The following HIVEP2 variants were observed in gnomAD, a reference collection of about 807,000 sequenced individuals.
HIVEP2 encodes the protein transcription factor HIVEP2.
Under a neutral mutation model 180.7 loss-of-function variants are expected in HIVEP2, and 14 were observed. That is an observed-to-expected ratio of 0.08 (90% CI 0.05 to 0.12). HIVEP2 has a LOEUF of 0.12. Ranked by LOEUF, HIVEP2 falls within the 10% of genes least tolerant of loss-of-function variation. The probability of loss-of-function intolerance (pLI) is 1.00; values close to 1 mark genes in which losing one functional copy is unlikely to be tolerated. For synonymous variants in HIVEP2, 1,184 were observed against 1,136.4 expected, an observed-to-expected ratio of 1.04 and a Z score of -0.84; for missense variants, 2,579 against 3,008.5, an observed-to-expected ratio of 0.86 and a Z score of 3.34.
intron 2 of HIVEP2, among the ~76,000 whole-genome samples, chr6:142,820,601 G>T (rs997853017): frequency 3.3e-5 from 5 of 152,286 alleles, no homozygotes; most frequent in African/African-American, 1.2e-4. Flanking sequence ...GCATTTATTA[G>T]TCAATCACAG....
intron 1 of HIVEP2, among the ~76,000 whole-genome samples, chr6:142,939,597 G>A (rs373385603): frequency 6.6e-6 from 1 of 152,152 alleles, no homozygotes; most frequent in African/African-American, 2.4e-5. Flanking sequence ...AAGATCCTCA[G>A]TAAAAAAAAG....
At chr6:142,924,354 G>A (rs534268475) in intron 1 of HIVEP2, among the ~76,000 whole-genome samples, 3 of 152,222 alleles carry the variant, frequency 2.0e-5, no homozygotes, top group Admixed American at 6.5e-5. Flanking sequence ...CAACTACTCC[G>A]GGTCAGGCAC....
chr6:142,807,246 G>A lies in HIVEP2; in HGVS notation c.-527-23631C>T, dbSNP rs765808343. 1.4e-4 allele frequency among the ~76,000 whole-genome samples: 21 copies of A among 152,124 alleles called. 1 individual carries two copies. The highest frequency in any genetic ancestry group is 4.4e-5 in the Non-Finnish European group (3 of 68,028). On this transcript the variant is annotated intron_variant, in intron 2 of 9. Transcript: ENST00000367603. ...CTAGGAACTGTAAGACTGGAAGACAGGTAAGCTGAAGTCACCTTTCCCTTT... is the reference window on the plus strand; with the variant it reads ...CTAGGAACTGTAAGACTGGAAGACAAGTAAGCTGAAGTCACCTTTCCCTTT...
intron 1 of HIVEP2, among the ~76,000 whole-genome samples, chr6:142,941,510 T>G (rs577574203): frequency 6.6e-6 from 1 of 152,362 alleles, no homozygotes; most frequent in African/African-American, 2.4e-5. Context: ...AAAGTTTTCC[T>G]ATTTCCCTTT....
At chr6:142,818,054 G>A (rs534261424) in intron 2 of HIVEP2, among the ~76,000 whole-genome samples, 3 of 151,980 alleles carry the variant, frequency 2.0e-5, no homozygotes, top group Admixed American at 1.3e-4. Flanking sequence ...TCTCAAAGGA[G>A]GAAGGAAGGG....
chr6:142,814,851 T>C (rs537671157), intron 2 of HIVEP2, among the ~76,000 whole-genome samples: 53 of 152,238 alleles, frequency 3.5e-4, no homozygotes, highest in Middle Eastern at 3.4e-3. Context: ...GCAAAGTATA[T>C]GGAGTAACAA....
chr6:142,911,547 T>A (rs531227204), intron 1 of HIVEP2, among the ~76,000 whole-genome samples: 57 of 152,296 alleles, frequency 3.7e-4, no homozygotes, highest in African/African-American at 1.4e-3. Context: ...ATCCCCAGAT[T>A]TACAGACGAG....
chr6:142,814,990 A>G (rs1015391978), intron 2 of HIVEP2, among the ~76,000 whole-genome samples: 7 of 152,178 alleles, frequency 4.6e-5, no homozygotes, highest in Non-Finnish European at 1.0e-4. Context: ...AGATCAAGCC[A>G]TGGCCTTCTT....
upstream of HIVEP2, among the ~76,000 whole-genome samples, chr6:142,945,494 G>A (rs374513541): frequency 1.3e-5 from 2 of 152,230 alleles, no homozygotes; most frequent in South Asian, 4.1e-4. The surrounding 1 kb of genome is among the most constrained non-coding windows in gnomAD (Gnocchi z 5.5). Context: ...CACTTACCGA[G>A]CCGAGGAGGG....
At chr6:142,779,291 T>C (rs1775781721) in intron 3 of HIVEP2, among the ~76,000 whole-genome samples, 1 of 152,140 alleles carries the variant, frequency 6.6e-6, no homozygotes, top group African/African-American at 2.4e-5. Flanking sequence ...TTTCTATCTT[T>C]TGGTTGACAC....
At chr6:142,808,114 G>A (rs960431136) in intron 2 of HIVEP2, among the ~76,000 whole-genome samples, 2 of 152,140 alleles carry the variant, frequency 1.3e-5, no homozygotes, top group Admixed American at 1.3e-4. Context: ...CTAGGCTGTA[G>A]AAAGATGGCT....
intron 1 of HIVEP2, among the ~76,000 whole-genome samples, chr6:142,891,990 T>C (rs12201410): frequency 0.37 from 55,623 of 152,034 alleles, 11,184 homozygotes; most frequent in Admixed American, 0.5. Flanking sequence ...AGTAAAAACA[T>C]TCCCTAGAAG....
chr6:142,928,163 G>T (rs1777859394), intron 1 of HIVEP2, among the ~76,000 whole-genome samples: 1 of 152,184 alleles, frequency 6.6e-6, no homozygotes. Context: ...AGTGGAGGAG[G>T]CTGTGTGTAT....
At chr6:142,829,726 G>T (rs538456271) in intron 2 of HIVEP2, among the ~76,000 whole-genome samples, 9 of 152,168 alleles carry the variant, frequency 5.9e-5, no homozygotes, top group South Asian at 2.1e-4. Flanking sequence ...AGCCAAAAAA[G>T]CTCAGGTTCC....
chr6:142,858,024 C>T (rs374021798), intron 1 of HIVEP2, among the ~76,000 whole-genome samples: 8 of 152,074 alleles, frequency 5.3e-5, no homozygotes, highest in South Asian at 2.1e-4. Flanking sequence ...TGACCTAGGG[C>T]GACAGGTGGT....
intron 1 of HIVEP2, among the ~76,000 whole-genome samples, chr6:142,871,197 T>G (rs895284401): frequency 8.5e-5 from 13 of 152,128 alleles, no homozygotes; most frequent in African/African-American, 2.9e-4. Context: ...TATGTGAAAA[T>G]AATGGTGATA....
chr6:142,819,294 T>C (rs1261072075), intron 2 of HIVEP2, among the ~76,000 whole-genome samples: 1 of 152,160 alleles, frequency 6.6e-6, no homozygotes, highest in Admixed American at 6.5e-5. Flanking sequence ...GTAAGAGATA[T>C]GCAAAACTTC....
intron 1 of HIVEP2, among the ~76,000 whole-genome samples, chr6:142,893,936 T>C (rs1776923585): frequency 6.6e-6 from 1 of 152,204 alleles, no homozygotes; most frequent in Non-Finnish European, 1.5e-5. Flanking sequence ...ACAAGCCCCA[T>C]ATTACATAAT....
chr6:142,856,554 A>G (rs1469472354), intron 1 of HIVEP2, among the ~76,000 whole-genome samples: 1 of 152,258 alleles, frequency 6.6e-6, no homozygotes, highest in Non-Finnish European at 1.5e-5. Flanking sequence ...GCCCAGGCAC[A>G]CTGCCTGGAT....
Sources: allele counts gnomAD v4.1 joint callset (sites outside exome capture counted in the v4.1 genomes callset), GRCh38; gene constraint gnomAD v4.1.1; non-coding constraint Gnocchi (gnomAD v3.1); transcripts MANE v1.5; gene names NCBI Gene and HGNC (gene_info 2026-07-23, HGNC 2026-07-21).